Variants in SASH1 observed in about 807,000 individuals in gnomAD.
SASH1 encodes the protein SAM and SH3 domain-containing protein 1.
Under a neutral mutation model 125.2 loss-of-function variants are expected in SASH1, and 44 were observed. That is an observed-to-expected ratio of 0.35 (90% CI 0.28 to 0.45). The LOEUF is 0.45. SASH1 is among the 20% of genes least tolerant of loss of function. The pLI, the probability that SASH1 is intolerant of heterozygous loss-of-function variation, is 1.00. For synonymous variants in SASH1, 639 were observed against 649.1 expected (o/e 0.98, Z 0.24); for missense variants, 1,426 against 1,614.5 (o/e 0.88, Z 2.00).
At chr6:148,254,065 G>A in the SASH1 span, among the ~76,000 whole-genome samples, 2 of 151,864 alleles carry the variant, frequency 1.3e-5, no homozygotes, top group Non-Finnish European at 2.9e-5. Flanking sequence ...AATTAACTGG[G>A]CATTGGTGGC....
chr6:148,399,350 C>T (rs919466163), intron 2 of SASH1, among the ~76,000 whole-genome samples: 3 of 150,288 alleles, frequency 2.0e-5, no homozygotes, highest in African/African-American at 4.9e-5. Flanking sequence ...CTCAAGTTCT[C>T]AAGTAGTTGG....
chr6:148,257,404 G>A, the SASH1 span, among the ~76,000 whole-genome samples: 1 of 152,154 alleles, frequency 6.6e-6, no homozygotes, highest in African/African-American at 2.4e-5. Flanking sequence ...AGAGACAAAA[G>A]TTGACATCTG....
intron 2 of SASH1, among the ~76,000 whole-genome samples, chr6:148,406,508 A>T (rs1168878966): frequency 1.3e-5 from 2 of 152,248 alleles, no homozygotes; most frequent in Non-Finnish European, 2.9e-5. Flanking sequence ...AAGGCAGCCA[A>T]CATATGCCTA....
chr6:148,350,054 C>G (rs1254913343), intron 1 of SASH1, among the ~76,000 whole-genome samples: 1 of 151,980 alleles, frequency 6.6e-6, no homozygotes, highest in Non-Finnish European at 1.5e-5. Context: ...ACCGTGTTAG[C>G]CAGGATGGTC....
chr6:148,538,205 G>A (rs1276795228), intron 16 of SASH1, among the ~76,000 whole-genome samples: 1 of 152,170 alleles, frequency 6.6e-6, no homozygotes, highest in Non-Finnish European at 1.5e-5. Context: ...TGTCTGCTGA[G>A]GCTGGGGTCC....
At chr6:148,475,004 CT>C (rs950130924) in intron 7 of SASH1, among the ~76,000 whole-genome samples, 58 of 152,218 alleles carry the variant, frequency 3.8e-4, no homozygotes, top group African/African-American at 1.3e-3. Flanking sequence ...TTACTTCCCC[CT>C]GAGTTAAGTT....
intron 1 of SASH1, among the ~76,000 whole-genome samples, chr6:148,317,885 G>A (rs1385051982): frequency 6.6e-6 from 1 of 152,174 alleles, no homozygotes; most frequent in African/African-American, 2.4e-5. Context: ...ATTTAACAGT[G>A]AGGCATTCAG....
chr6:148,449,078 C>CATTTCTTTTTCTTTTTTTTTTTTT (rs763181287), intron 4 of SASH1, among the ~76,000 whole-genome samples: 1 of 88,736 alleles, frequency 1.1e-5, no homozygotes, highest in African/African-American at 4.3e-5. Context: ...CATTTCATTT[C>CATTTCTTTTTCTTTTTTTTTTTTT]TTTTTTTTTT....
chr6:148,344,983 T>C (rs1781476603), intron 1 of SASH1, among the ~76,000 whole-genome samples: 1 of 152,168 alleles, frequency 6.6e-6, no homozygotes, highest in Non-Finnish European at 1.5e-5. Context: ...CTCGAACTCC[T>C]GACCTTGTGA....
intron 4 of SASH1, among the ~76,000 whole-genome samples, chr6:148,448,323 T>C (rs1776908712): frequency 6.6e-6 from 1 of 152,114 alleles, no homozygotes; most frequent in Non-Finnish European, 1.5e-5. Context: ...TTCTTGCCGT[T>C]CTTCCAGACT....
chr6:148,345,730 T>C lies in SASH1; in HGVS notation c.156+2507T>C, dbSNP rs948273059. On this transcript the variant is annotated intron_variant, in intron 1 of 19. Transcript: ENST00000367467. Reference sequence around the variant, plus strand: ...TTTCCTTCCTTTTTTATTTAAAATATAAGATTTTGCAATCATCTATCAATC... The same window carrying C: ...TTTCCTTCCTTTTTTATTTAAAATACAAGATTTTGCAATCATCTATCAATC... 3.5e-4 allele frequency among the ~76,000 whole-genome samples: 53 copies of C among 152,220 alleles called. 1 individual carries two copies. The highest frequency in any genetic ancestry group is 4.4e-5 in the Non-Finnish European group (3 of 68,034).
At chr6:148,505,857 C>T (rs1195201115) in intron 8 of SASH1, among the ~76,000 whole-genome samples, 31 of 151,468 alleles carry the variant, frequency 2.0e-4, no homozygotes, top group African/African-American at 6.8e-4. Flanking sequence ...AGGCTGGTCT[C>T]GAACTCCTGA....
chr6:148,401,214 A>C (rs921948316), intron 2 of SASH1, among the ~76,000 whole-genome samples: 2 of 151,316 alleles, frequency 1.3e-5, no homozygotes, highest in Non-Finnish European at 2.9e-5. Flanking sequence ...AGATTGCACC[A>C]CTGCAATTCA....
chr6:148,511,727 A>G (rs968132486), intron 8 of SASH1, among the ~76,000 whole-genome samples: 1 of 152,202 alleles, frequency 6.6e-6, no homozygotes, highest in African/African-American at 2.4e-5. Context: ...CTTTAAATCT[A>G]CTGTCCTTGT....
chr6:148,361,914 C>CTTTTTTT (rs745596285), intron 1 of SASH1, among the ~76,000 whole-genome samples: 53 of 125,474 alleles, frequency 4.2e-4, no homozygotes, highest in African/African-American at 6.9e-4. Flanking sequence ...TTTTCTTTTT[C>CTTTTTTT]TTTTTTTTTT....
chr6:148,241,506 A>G, the SASH1 span, among the ~76,000 whole-genome samples: 1 of 152,340 alleles, frequency 6.6e-6, no homozygotes, highest in East Asian at 1.9e-4. Context: ...CTTGAGATTT[A>G]TAGACCCCTT....
chr6:148,295,989 G>A (rs1395216632), intron 1 of SASH1, among the ~76,000 whole-genome samples: 3 of 152,144 alleles, frequency 2.0e-5, no homozygotes, highest in African/African-American at 7.2e-5. Flanking sequence ...CTTCTTATAT[G>A]TATTGACTTT....
rs552240784 is a variant in SASH1 at position 148,295,643 on chromosome 6, C to T, written n.74+23266C>T. ...CAGGGCAGAGAGTTATCTCGGCAGCCTGTGATACATTCAGTTTAAGCTGAT... is the reference window on the plus strand; with the variant it reads ...CAGGGCAGAGAGTTATCTCGGCAGCTTGTGATACATTCAGTTTAAGCTGAT... On this transcript the variant is annotated intron_variant and non_coding_transcript_variant, in intron 1 of 3. Transcript: ENST00000367469. 2.6e-5 allele frequency among the ~76,000 whole-genome samples: 4 copies of T among 152,366 alleles called. No homozygotes were observed. In the South Asian group the frequency reaches 6.2e-4, roughly 24 times the overall value.
chr6:148,214,444 CTA>C, the SASH1 span, among the ~76,000 whole-genome samples: 1 of 152,148 alleles, frequency 6.6e-6, no homozygotes, highest in Non-Finnish European at 1.5e-5. Flanking sequence ...GTAAGTTACT[CTA>C]TATCTCTATA....
Sources: gnomAD v4.1 joint callset for allele counts (sites outside exome capture counted in the v4.1 genomes callset) on GRCh38, gnomAD v4.1.1 for gene constraint, MANE v1.5 for transcripts, NCBI Gene and HGNC (gene_info 2026-07-23, HGNC 2026-07-21) for gene names.